Variants in USP34 observed in about 807,000 individuals in gnomAD.
USP34 encodes the protein ubiquitin carboxyl-terminal hydrolase 34.
USP34 carries 70 observed loss-of-function variants against 460.3 expected under a neutral mutation model. That is an observed-to-expected ratio of 0.15 (90% confidence interval 0.13 to 0.19). The LOEUF is 0.19. USP34 is among the 10% of genes least tolerant of loss of function. USP34 has a pLI of 1.00. For synonymous variants in USP34, 1,647 were observed against 1,405.3 expected (o/e 1.17, Z -3.85); for missense variants, 3,985 against 4,236.2 (o/e 0.94, Z 1.65).
At chr2:61,369,666 A>G (rs911244187) in intron 10 of USP34, among the ~76,000 whole-genome samples, 1 of 137,570 alleles carries the variant, frequency 7.3e-6, no homozygotes, top group Non-Finnish European at 1.6e-5. Context: ...AAAAAAAAAA[A>G]GACTGAGGGA....
chr2:61,454,148 G>A (rs1489988722), intron 1 of USP34, among the ~76,000 whole-genome samples: 1 of 152,094 alleles, frequency 6.6e-6, no homozygotes, highest in East Asian at 1.9e-4. Context: ...AGGGTTTGGG[G>A]TTTTTCGAGA....
At position 61,344,027 on chromosome 2, in the gene USP34, T is replaced by G; in HGVS notation, c.2288A>C (p.His763Pro). The change falls in exon 16 of 80, where the codon CAT (histidine) becomes CCT (proline). Residue 763 changes from histidine to proline, a missense_variant and splice_region_variant. Transcript: ENST00000398571. ...TGCACTTAGCATATCATCAACCATATGCCTACAAAACAGAGAAAAGCACAA... is the reference window on the plus strand; with the variant it reads ...TGCACTTAGCATATCATCAACCATAGGCCTACAAAACAGAGAAAAGCACAA... ...HHHHHHHHDGHMVDDMLSADD... is the reference protein window; with the variant it reads ...HHHHHHHHDGPMVDDMLSADD... 6.2e-7 allele frequency: 1 copy of G among 1,613,414 alleles called. No individual in the cohort carries two copies. Among genetic ancestry groups the G allele is most frequent in the Non-Finnish European group, 8.5e-7 (1 of 1,179,584 alleles).
chr2:61,267,164 CT>C (rs1488160891), intron 41 of USP34, among the ~76,000 whole-genome samples: 1 of 152,178 alleles, frequency 6.6e-6, no homozygotes, highest in African/African-American at 2.4e-5. Context: ...CAGACTTCGC[CT>C]TGACACCTTT....
At chr2:61,195,656 A>G (rs1396185058) in intron 75 of USP34, among the ~76,000 whole-genome samples, 3 of 152,134 alleles carry the variant, frequency 2.0e-5, no homozygotes, top group Non-Finnish European at 4.4e-5. Flanking sequence ...TGGGTGACAG[A>G]GCCAGACTCT....
chr2:61,254,913 T>C (rs1187187744), intron 48 of USP34, among the ~76,000 whole-genome samples: 1 of 152,210 alleles, frequency 6.6e-6, no homozygotes, highest in Admixed American at 6.5e-5. Context: ...AATGGCACAA[T>C]CATGGCTCAC....
At chr2:61,394,790 T>C in intron 5 of USP34, 63 bp downstream of exon 5, 1 of 1,286,152 alleles carries the variant, frequency 7.8e-7, no homozygotes, top group Non-Finnish European at 1.0e-6. Context: ...GAGCATAAAA[T>C]TCATGTTACT....
At chr2:61,432,677 C>T (rs1455651806) in intron 1 of USP34, among the ~76,000 whole-genome samples, 1 of 151,838 alleles carries the variant, frequency 6.6e-6, no homozygotes, top group East Asian at 1.9e-4. Context: ...ATATATAACA[C>T]CTGGATTTAC....
chr2:61,396,861 G>C (rs930404467), intron 3 of USP34, among the ~76,000 whole-genome samples: 7 of 152,134 alleles, frequency 4.6e-5, no homozygotes, highest in African/African-American at 1.4e-4. Flanking sequence ...TCTAAAATTA[G>C]AAAGTGATGA....
chr2:61,288,123 G>T (rs771341434), intron 34 of USP34, among the ~76,000 whole-genome samples: 42 of 152,100 alleles, frequency 2.8e-4, no homozygotes, highest in Non-Finnish European at 4.9e-4. Flanking sequence ...AGCTTTATCA[G>T]GTCCCCTCTG....
intron 21 of USP34, among the ~76,000 whole-genome samples, 197 bp downstream of exon 21, chr2:61,325,178 A>C (rs1423661508): frequency 3.3e-5 from 5 of 152,086 alleles, no homozygotes; most frequent in Non-Finnish European, 5.9e-5. Flanking sequence ...GGTACACAAG[A>C]AGCCCAATCC....
rs1367209257 is a variant in USP34, at chr2:61,281,168, G to C, written c.5073C>G (p.Ile1691Met). 1 of 1,613,982 alleles carries C rather than the reference G, an allele frequency of 6.2e-7. No homozygotes were observed. The highest frequency in any genetic ancestry group is 1.1e-5 in the South Asian group (1 of 91,058). Residue 1691 changes from isoleucine (I) to methionine (M), a missense_variant, in exon 38 of 80, where the codon ATC (isoleucine) becomes ATG (methionine). Ile to Met is a conservative substitution (Grantham distance 10, BLOSUM62 1). This residue lies in a region of USP34 where 1,114 missense variants were observed against 1,122.5 expected (regional missense o/e 0.99). Transcript: ENST00000398571. ...SLSGLDGGDS[I>M]NRSFLLLAAS... ...CAGCCAATAGCAGAAAAGAACGATTGATTGAGTCTCCTCCATCCAGCCCTG... is the reference window on the plus strand; with the variant it reads ...CAGCCAATAGCAGAAAAGAACGATTCATTGAGTCTCCTCCATCCAGCCCTG...
chr2:61,463,174 A>T (rs979257429), intron 1 of USP34, among the ~76,000 whole-genome samples: 1 of 152,134 alleles, frequency 6.6e-6, no homozygotes, highest in Non-Finnish European at 1.5e-5. Context: ...GCAGAATAAC[A>T]GTATTAAGAA....
At chr2:61,306,550 C>T (rs555546649) in intron 27 of USP34, among the ~76,000 whole-genome samples, 3 of 152,104 alleles carry the variant, frequency 2.0e-5, no homozygotes, top group East Asian at 3.9e-4. Flanking sequence ...CTTGGCAATG[C>T]GGGCCCTTTT....
intron 1 of USP34, among the ~76,000 whole-genome samples, chr2:61,429,789 C>T (rs1446926667): frequency 6.6e-6 from 1 of 152,232 alleles, no homozygotes; most frequent in African/African-American, 2.4e-5. Flanking sequence ...TAGCTGGACA[C>T]AGTGGCTCCT....
intron 58 of USP34, among the ~76,000 whole-genome samples, chr2:61,231,401 T>C (rs1291591769): frequency 6.6e-6 from 1 of 152,146 alleles, no homozygotes; most frequent in Non-Finnish European, 1.5e-5. Flanking sequence ...AAGGTCTGGG[T>C]AAATTTTATG....
intron 34 of USP34, among the ~76,000 whole-genome samples, chr2:61,287,990 C>T (rs1367293685): frequency 6.6e-6 from 1 of 152,206 alleles, no homozygotes; most frequent in Non-Finnish European, 1.5e-5. Flanking sequence ...CTATTAGGTT[C>T]TGCCAGTCTA....
chr2:61,361,551 A>T (rs1692276378), intron 10 of USP34, among the ~76,000 whole-genome samples: 1 of 152,224 alleles, frequency 6.6e-6, no homozygotes, highest in Non-Finnish European at 1.5e-5. Context: ...CCAAGAACAT[A>T]TGATAGGGAA....
At chr2:61,222,912 G>C (rs1687626246) in intron 64 of USP34, 148 bp downstream of exon 64, 1 of 749,340 alleles carries the variant, frequency 1.3e-6, no homozygotes, top group African/African-American at 1.8e-5. Context: ...GCCTAGGCTG[G>C]TCTCAAACTC....
rs930522653 is a variant in USP34, at chr2:61,375,842, T to C, written c.1076+2521A>G. Among the ~76,000 whole-genome samples, 5 of 149,586 alleles carry C rather than the reference T, an allele frequency of 3.3e-5. 1 individual carries two copies. The highest frequency in any genetic ancestry group is 1.2e-4 in the African/African-American group (5 of 40,590). On this transcript the variant is annotated intron_variant, in intron 8 of 79. Transcript: ENST00000398571. Reference sequence around the variant, plus strand: ...TCAACTGGTACTTGATCAAGTGTGGTATATCTATACAATGTGATACTATTA... The same window carrying C: ...TCAACTGGTACTTGATCAAGTGTGGCATATCTATACAATGTGATACTATTA...
Sources: allele counts gnomAD v4.1 joint callset (sites outside exome capture counted in the v4.1 genomes callset), GRCh38; gene constraint gnomAD v4.1.1; regional missense constraint gnomAD v4.1.1; transcripts MANE v1.5; gene names NCBI Gene and HGNC (gene_info 2026-07-23, HGNC 2026-07-21).